The following SCARB1 variants were observed in gnomAD, a reference collection of about 807,000 sequenced individuals.
SCARB1 encodes the protein CD36 and LIMPII analogous 1.
Under a neutral mutation model 57.2 loss-of-function variants are expected in SCARB1, and 30 were observed. The ratio of observed to expected loss-of-function variants is 0.52; its 90% CI spans 0.39 to 0.71. SCARB1 has a LOEUF of 0.71. SCARB1 is among the 30% of genes least tolerant of loss of function. The pLI is 0.00. For missense variants in SCARB1, 543 were observed against 671.2 expected (o/e 0.81, Z 2.11); for synonymous variants, 249 against 268.3 (o/e 0.93, Z 0.70).
intron 9 of SCARB1, among the ~76,000 whole-genome samples, chr12:124,791,953 T>TAA (rs534773283): frequency 5.0e-5 from 7 of 139,202 alleles, no homozygotes; most frequent in African/African-American, 1.3e-4. Context: ...AGATCCATCT[T>TAA]AAAAAAAAAA....
intron 1 of SCARB1, among the ~76,000 whole-genome samples, chr12:124,824,481 A>AT (rs1360397223): frequency 6.6e-5 from 10 of 152,370 alleles, no homozygotes; most frequent in Admixed American, 2.0e-4. Context: ...AACGCACTAA[A>AT]TGCCACTAAA....
rs1207792609 is a variant in SCARB1 at position 124,810,983 on chromosome 12, G to T, written c.727-694C>A. ...AGGGTCTTTGCAGTAACTACCACGG[G>T]GAGTGGGGAGTGGGAAGTCACACAG... On this transcript the variant is annotated intron_variant, in intron 5 of 12. Transcript: ENST00000261693. This position sits in a 1 kb window ranked among gnomAD's most constrained non-coding sequence, Gnocchi z 4.0. 6.6e-6 allele frequency among the ~76,000 whole-genome samples: 1 copy of T among 152,176 alleles called. No homozygotes were observed. Among genetic ancestry groups the T allele is most frequent in the Non-Finnish European group, 1.5e-5 (1 of 68,032 alleles).
At chr12:124,847,303 A>G (rs1318895589) in intron 1 of SCARB1, among the ~76,000 whole-genome samples, 5 of 152,242 alleles carry the variant, frequency 3.3e-5, no homozygotes, top group Non-Finnish European at 7.3e-5. Context: ...AGAGCTGCCA[A>G]GGGATCCTGG....
intron 1 of SCARB1, among the ~76,000 whole-genome samples, chr12:124,824,675 G>A (rs561192976): frequency 2.0e-5 from 3 of 152,298 alleles, no homozygotes; most frequent in South Asian, 2.1e-4. Context: ...TGTGCACAGC[G>A]GGGGTCAGGC....
rs914392021 is a variant in SCARB1 at position 124,796,399 on chromosome 12, G to A, written c.1129-1131C>T. On this transcript the variant is annotated intron_variant, in intron 8 of 12. Coordinates refer to ENST00000261693, the MANE Select transcript of SCARB1 (RefSeq NM_005505.5). The surrounding 1 kb of genome is among the most constrained non-coding windows in gnomAD (Gnocchi z 4.0). ...GCCACTATACCCAGCTCTTTTTAAC[G>A]AGACTTTTTTTTTTAAGTAAATAAC... Among the ~76,000 whole-genome samples, 3 of 151,612 alleles carry A rather than the reference G, an allele frequency of 2.0e-5. No individual in the cohort carries two copies. Among genetic ancestry groups the A allele is most frequent in the South Asian group, 2.1e-4 (1 of 4,788 alleles).
chr12:124,855,219 T>C (rs1038450998), intron 1 of SCARB1, among the ~76,000 whole-genome samples: 2 of 152,172 alleles, frequency 1.3e-5, no homozygotes, highest in African/African-American at 2.4e-5. Context: ...CTCCCGTTCC[T>C]TCCCCCTCCC....
intron 7 of SCARB1, among the ~76,000 whole-genome samples, chr12:124,801,746 A>G: frequency 6.6e-6 from 1 of 151,756 alleles, no homozygotes; most frequent in Admixed American, 6.6e-5. Context: ...CTGAAATCGC[A>G]TCACTGCACT....
intron 7 of SCARB1, among the ~76,000 whole-genome samples, chr12:124,806,102 C>A (rs888530821): frequency 6.6e-6 from 1 of 152,092 alleles, no homozygotes; most frequent in African/African-American, 2.4e-5. Flanking sequence ...ACTGGATGGT[C>A]TAGGGGATGG....
intron 9 of SCARB1, among the ~76,000 whole-genome samples, chr12:124,793,913 C>T (rs931932204): frequency 1.3e-5 from 2 of 152,154 alleles, no homozygotes; most frequent in Non-Finnish European, 2.9e-5. Flanking sequence ...ACAACTCAAA[C>T]GTCCATCAAC....
At chr12:124,820,440 C>T (rs538978693) in intron 1 of SCARB1, among the ~76,000 whole-genome samples, 1 of 152,172 alleles carries the variant, frequency 6.6e-6, no homozygotes, top group Non-Finnish European at 1.5e-5. Context: ...CCTGCCCCCT[C>T]GGTAACGCCC....
intron 1 of SCARB1, among the ~76,000 whole-genome samples, chr12:124,858,606 G>A (rs1173967515): frequency 6.6e-6 from 1 of 151,976 alleles, no homozygotes; most frequent in Non-Finnish European, 1.5e-5. Context: ...TTGGCCGGGC[G>A]CGGTGGCTCA....
chr12:124,781,910 A>G (rs781699245), intron 12 of SCARB1, among the ~76,000 whole-genome samples: 1 of 151,370 alleles, frequency 6.6e-6, no homozygotes, highest in Non-Finnish European at 1.5e-5. Flanking sequence ...TATTTATTTT[A>G]GTTTTATTTT....
Position 124,807,986 on chromosome 12 carries a change from C to T in SCARB1, c.843-59G>A, listed in dbSNP as rs1460161774. 5 of 1,539,696 alleles carry T rather than the reference C, an allele frequency of 3.2e-6. No individual in the cohort carries two copies. The African/African-American group carries it at 5.5e-5, about 17-fold the overall frequency. ...CAGACCCGGCGGCCAGAGCCAGGCC[C>T]TGCCAAAGGCTGCCCAGATCCAGCC... On this transcript the variant is annotated intron_variant, in intron 6 of 12. Coordinates refer to ENST00000261693, the MANE Select transcript of SCARB1 (RefSeq NM_005505.5). This position sits in a 1 kb window ranked among gnomAD's most constrained non-coding sequence, Gnocchi z 5.3.
rs1224342642 is a variant in SCARB1, at chr12:124,810,839, G to A, written c.727-550C>T. 6.6e-6 allele frequency among the ~76,000 whole-genome samples: 1 copy of A among 152,200 alleles called. No homozygotes were observed. Among genetic ancestry groups the A allele is most frequent in the Non-Finnish European group, 1.5e-5 (1 of 68,040 alleles). ...ATCACGTGCACATGTACAGTATATT[G>A]GAATATACAAGCCACAATGAATGTG... On this transcript the variant is annotated intron_variant, in intron 5 of 12. Coordinates refer to ENST00000261693, the MANE Select transcript of SCARB1 (RefSeq NM_005505.5). The surrounding 1 kb of genome is among the most constrained non-coding windows in gnomAD (Gnocchi z 4.0).
chr12:124,786,915 A>G (rs1395448798), intron 10 of SCARB1, among the ~76,000 whole-genome samples: 6 of 152,258 alleles, frequency 3.9e-5, no homozygotes, highest in Non-Finnish European at 8.8e-5. Context: ...TAAACTTGAC[A>G]TTCGGAGGCT....
At chr12:124,803,958 T>G (rs971100602) in intron 7 of SCARB1, among the ~76,000 whole-genome samples, 1 of 152,240 alleles carries the variant, frequency 6.6e-6, no homozygotes, top group Non-Finnish European at 1.5e-5. Flanking sequence ...TTGAAATTCT[T>G]TTGGCAGATG....
chr12:124,861,338 CT>C (rs933272671), intron 1 of SCARB1, among the ~76,000 whole-genome samples: 1 of 152,016 alleles, frequency 6.6e-6, no homozygotes, highest in African/African-American at 2.4e-5. Context: ...GTTTTTATGT[CT>C]TTTTTTAGTT....
At chr12:124,856,052 G>GCGGAGGCA (rs1952609672) in intron 1 of SCARB1, among the ~76,000 whole-genome samples, 1 of 152,242 alleles carries the variant, frequency 6.6e-6, no homozygotes, top group South Asian at 2.1e-4. Flanking sequence ...GCATCTCCCG[G>GCGGAGGCA]CGGAGGCACA....
At position 124,787,432 on chromosome 12, in the gene SCARB1, C is replaced by G. The variant is rs866132973; in HGVS notation, c.1228G>C (p.Val410Leu). The G allele has an allele frequency of 6.2e-7, 1 of 1,613,792 alleles. No individual in the cohort carries two copies. Among genetic ancestry groups the G allele is most frequent in the Non-Finnish European group, 8.5e-7 (1 of 1,179,920 alleles). Reference sequence around the variant, plus strand: ...TCTGCAAACCAGAGCAGCGGCAGGACCACAGGCTCAATCTTCCCAGTTTGT... The same window carrying G: ...TCTGCAAACCAGAGCAGCGGCAGGAGCACAGGCTCAATCTTCCCAGTTTGT... ...IGQTGKIEPVVLPLLWFAESG... is the reference protein window; with the variant it reads ...IGQTGKIEPVLLPLLWFAESG... Residue 410 changes from valine (V) to leucine (L), a missense_variant, in exon 10 of 13, where the codon GTC becomes CTC. Coordinates refer to ENST00000261693, the MANE Select transcript of SCARB1 (RefSeq NM_005505.5).
Sources: gnomAD v4.1 joint callset for allele counts (sites outside exome capture counted in the v4.1 genomes callset) on GRCh38, gnomAD v4.1.1 for gene constraint, Gnocchi (gnomAD v3.1) non-coding constraint, MANE v1.5 for transcripts, NCBI Gene and HGNC (gene_info 2026-07-23, HGNC 2026-07-21) for gene names.